Variants in ZEB2 observed in about 807,000 individuals in gnomAD.
ZEB2 encodes zinc finger E-box-binding homeobox 2.
A neutral mutation model predicts 99.9 loss-of-function variants in ZEB2; 6 were observed. The observed-to-expected ratio is 0.06, with a 90% CI of 0.03 to 0.12. The LOEUF (loss-of-function observed/expected upper bound fraction) is 0.12, where lower values mean the gene tolerates loss of function less well. Ranked by LOEUF, ZEB2 falls within the 10% of genes least tolerant of loss-of-function variation. ZEB2 has a pLI of 1.00. For synonymous variants in ZEB2, 517 were observed against 542.5 expected (o/e 0.95, Z 0.65); for missense variants, 969 against 1,502.8 (o/e 0.64, Z 5.87).
chr2:144,471,493 G>A (rs2149909313), intron 2 of ZEB2, among the ~76,000 whole-genome samples: 2 of 151,540 alleles, frequency 1.3e-5, no homozygotes, highest in Middle Eastern at 6.8e-3. Context: ...GGTAGTTATT[G>A]TCATGCACAC....
intron 9 of ZEB2, among the ~76,000 whole-genome samples, chr2:144,391,939 G>A: frequency 6.6e-6 from 1 of 152,166 alleles, no homozygotes; most frequent in East Asian, 1.9e-4. Flanking sequence ...CTCATGGACT[G>A]GGCATAAAGA....
intron 2 of ZEB2, chr2:144,512,260 A>G (rs1379749393): frequency 7.8e-7 from 1 of 1,287,228 alleles, no homozygotes; most frequent in Non-Finnish European, 1.0e-6. Context: ...AGGACAAAGA[A>G]TTTCCTTTCA....
intron 2 of ZEB2, among the ~76,000 whole-genome samples, chr2:144,489,944 G>A (rs1042743138): frequency 1.3e-5 from 2 of 152,186 alleles, no homozygotes; most frequent in African/African-American, 2.4e-5. Context: ...AAATTCCCAT[G>A]TCTTGTTTGT....
At chr2:144,498,647 G>A (rs1704824191) in intron 2 of ZEB2, among the ~76,000 whole-genome samples, 1 of 152,076 alleles carries the variant, frequency 6.6e-6, no homozygotes, top group South Asian at 2.1e-4. Context: ...ATATTAAATG[G>A]GAAACAGATT....
chr2:144,507,402 C>T (rs905499058), intron 2 of ZEB2: 5 of 152,302 alleles, frequency 3.3e-5, no homozygotes, highest in African/African-American at 9.6e-5. Context: ...CTAACAGCTC[C>T]GTATCGTCTT....
chr2:144,496,870 C>T (rs1367926680), intron 2 of ZEB2: 1 of 152,122 alleles, frequency 6.6e-6, no homozygotes, highest in Non-Finnish European at 1.5e-5. Flanking sequence ...CACTGAAACG[C>T]AAATATAATT....
intron 4 of ZEB2, among the ~76,000 whole-genome samples, chr2:144,416,375 T>C (rs1437103813): frequency 6.6e-6 from 1 of 152,234 alleles, no homozygotes; most frequent in Non-Finnish European, 1.5e-5. Context: ...AGTATAGTCT[T>C]GTTGCAGACT....
At chr2:144,479,172 C>G (rs1704472042) in intron 2 of ZEB2, among the ~76,000 whole-genome samples, 1 of 152,158 alleles carries the variant, frequency 6.6e-6, no homozygotes, top group Admixed American at 6.5e-5. Flanking sequence ...TTTTTATGAT[C>G]TATTACCACT....
chr2:144,404,792 C>A (rs766882315), intron 5 of ZEB2, 44 bp downstream of exon 5: 3 of 1,600,206 alleles, frequency 1.9e-6, no homozygotes, highest in Admixed American at 1.7e-5. Flanking sequence ...ATTGTAACAG[C>A]TGCAGAGGTC....
chr2:144,391,967 T>C (rs1246394037), intron 9 of ZEB2, among the ~76,000 whole-genome samples: 2 of 152,214 alleles, frequency 1.3e-5, no homozygotes, highest in Non-Finnish European at 2.9e-5. Context: ...AGACAACTTA[T>C]ATAAAGCATT....
chr2:144,487,465 GC>G (rs1484358194), intron 2 of ZEB2, among the ~76,000 whole-genome samples: 1 of 151,268 alleles, frequency 6.6e-6, no homozygotes, highest in Non-Finnish European at 1.5e-5. Flanking sequence ...CATAAAACAG[GC>G]AAAAAAGGAG....
At chr2:144,433,078 G>A (rs1703794327) in intron 2 of ZEB2, among the ~76,000 whole-genome samples, 1 of 152,110 alleles carries the variant, frequency 6.6e-6, no homozygotes, top group South Asian at 2.1e-4. Flanking sequence ...TACATGGCTG[G>A]CACAAAAACA....
intron 4 of ZEB2, among the ~76,000 whole-genome samples, chr2:144,415,401 C>A (rs1703526268): frequency 6.6e-6 from 1 of 152,054 alleles, no homozygotes; most frequent in African/African-American, 2.4e-5. Context: ...GGACTAGAAA[C>A]CAAAAAAGAA....
chr2:144,425,101 T>G (rs1573739969), intron 3 of ZEB2: 1 of 546,070 alleles, frequency 1.8e-6, no homozygotes, highest in Non-Finnish European at 3.3e-6. Context: ...AAGTGCTTAT[T>G]TGGAGCAAAT....
chr2:144,399,316 T>C lies in ZEB2; in HGVS notation c.1871A>G (p.Lys624Arg). Residue 624 changes from lysine (K) to arginine (R), a missense_variant, in exon 8 of 10, where the codon AAA becomes AGA. By Grantham distance (26) the Lys-to-Arg change is conservative (BLOSUM62 2). This residue lies in a region of ZEB2 where 346 missense variants were observed against 460.0 expected (regional missense o/e 0.75). Coordinates refer to ENST00000627532, the MANE Select transcript of ZEB2 (RefSeq NM_014795.4). This position sits in a 1 kb window ranked among gnomAD's most constrained non-coding sequence, Gnocchi z 5.6. ...LQPHENIVPN[K>R]AGVFVDNKAL... ...TTTATTATCAACAAAAACTCCGGCT[T>C]TGTTGGGGACTATGTTTTCATGAGG... is the stretch of plus-strand genomic sequence containing the variant. 2 of 1,614,170 alleles carry C rather than the reference T, an allele frequency of 1.2e-6. No individual in the cohort carries two copies. The highest frequency in any genetic ancestry group is 2.7e-5 in the African/African-American group (2 of 75,040).
chr2:144,486,411 G>C (rs1337705603), intron 2 of ZEB2, among the ~76,000 whole-genome samples: 1 of 150,456 alleles, frequency 6.6e-6, no homozygotes, highest in African/African-American at 2.4e-5. Flanking sequence ...GTACTTAACT[G>C]TATTTTCATA....
At chr2:144,508,298 G>C (rs903174228) in intron 2 of ZEB2, among the ~76,000 whole-genome samples, 2 of 151,770 alleles carry the variant, frequency 1.3e-5, no homozygotes, top group African/African-American at 2.4e-5. Context: ...CAACTCGAAG[G>C]GTGTACCATA....
chr2:144,388,975 G>T lies in ZEB2; in HGVS notation c.*476C>A. ...GAAATTGATGAATAGCGAAAGGAAAGTACAGAGGAATCATAATACTGATGC... is the reference window on the plus strand; with the variant it reads ...GAAATTGATGAATAGCGAAAGGAAATTACAGAGGAATCATAATACTGATGC... On this transcript the variant is annotated 3_prime_UTR_variant, in exon 10 of 10. Coordinates refer to ENST00000627532, the MANE Select transcript of ZEB2 (RefSeq NM_014795.4). The surrounding 1 kb of genome is among the most constrained non-coding windows in gnomAD (Gnocchi z 5.4). The T allele has an allele frequency of 2.3e-6, 1 of 443,626 alleles. No homozygotes were observed. Among genetic ancestry groups the T allele is most frequent in the Non-Finnish European group, 4.4e-6 (1 of 228,546 alleles). The allele number at this position is 443,626 out of a possible 1,614,324, so 27.5% of individuals were successfully genotyped here.
chr2:144,399,840 C>A lies in ZEB2; in HGVS notation c.1347G>T (p.Gly449=), dbSNP rs748625459. ...LGVGMEAPLL[G]FPTMNSNLSE... ...TTAAATTACTATTCATGGTGGGAAACCCAAGTAAAGGGGCTTCCATCCCTA... is the reference window on the plus strand; with the variant it reads ...TTAAATTACTATTCATGGTGGGAAAACCAAGTAAAGGGGCTTCCATCCCTA... Residue 449 remains glycine (G), a synonymous_variant, in exon 8 of 10, where the codon GGG becomes GGT. Transcript: ENST00000627532. This position sits in a 1 kb window ranked among gnomAD's most constrained non-coding sequence, Gnocchi z 5.6. The A allele has an allele frequency of 6.2e-7, 1 of 1,614,140 alleles. No homozygotes were observed. Among genetic ancestry groups the A allele is most frequent in the Non-Finnish European group, 8.5e-7 (1 of 1,180,020 alleles).
Sources: gnomAD v4.1 joint callset for allele counts (sites outside exome capture counted in the v4.1 genomes callset) on GRCh38, gnomAD v4.1.1 for gene constraint, gnomAD v4.1.1 regional missense constraint, Gnocchi (gnomAD v3.1) non-coding constraint, MANE v1.5 for transcripts, NCBI Gene and HGNC (gene_info 2026-07-23, HGNC 2026-07-21) for gene names.